MIPEP: variants seen among roughly 807,000 people sequenced by gnomAD.
The protein encoded by MIPEP is mitochondrial intermediate peptidase.
MIPEP carries 79 observed loss-of-function variants against 90.3 expected under a neutral mutation model. That is an observed-to-expected ratio of 0.87 (90% CI 0.73 to 1.05). The LOEUF (loss-of-function observed/expected upper bound fraction) is 1.05. Among genes scored for constraint, MIPEP ranks in the 50% least tolerant of loss-of-function variants. The pLI is 0.00. For missense variants in MIPEP, 940 were observed against 905.6 expected (o/e 1.04, Z -0.49); for synonymous variants, 334 against 315.8 (o/e 1.06, Z -0.61).
At chr13:23,743,480 T>C (rs1952352804) in intron 18 of MIPEP, among the ~76,000 whole-genome samples, 1 of 152,220 alleles carries the variant, frequency 6.6e-6, no homozygotes, top group Non-Finnish European at 1.5e-5. Flanking sequence ...GGCCAGGAAG[T>C]GAAATTCTTC....
intron 14 of MIPEP, among the ~76,000 whole-genome samples, chr13:23,824,379 G>C (rs1216281663): frequency 6.6e-6 from 1 of 152,192 alleles, no homozygotes; most frequent in Admixed American, 6.5e-5. Flanking sequence ...TAACAGGTAA[G>C]ACAATCTCTG....
intron 10 of MIPEP, among the ~76,000 whole-genome samples, chr13:23,854,796 G>A (rs1566018556): frequency 6.6e-6 from 1 of 152,010 alleles, no homozygotes; most frequent in Non-Finnish European, 1.5e-5. Flanking sequence ...GGAGGCTGAG[G>A]CAGGAGAATC....
intron 4 of MIPEP, 118 bp from the exon 5 acceptor site, chr13:23,875,027 AACACACACACAC>A (rs10595689): frequency 1.1e-4 from 45 of 402,000 alleles, no homozygotes; most frequent in Admixed American, 3.0e-4. Context: ...GTTTCTTCAA[AACACACACACAC>A]ACACACACAC....
intron 16 of MIPEP, among the ~76,000 whole-genome samples, chr13:23,802,482 C>T (rs1295631711): frequency 2.6e-5 from 4 of 151,946 alleles, no homozygotes; most frequent in African/African-American, 7.3e-5. Flanking sequence ...GTGAGAGAAT[C>T]GCTTGAACCC....
At chr13:23,816,526 GT>G (rs11301731) in intron 14 of MIPEP, among the ~76,000 whole-genome samples, 53,266 of 151,556 alleles carry the variant, frequency 0.35, 9,963 homozygotes, top group African/African-American at 0.48. Context: ...TTTGACTGTA[GT>G]TTTTTTTTGT....
chr13:23,801,361 A>G (rs1449958461), intron 16 of MIPEP, among the ~76,000 whole-genome samples: 1 of 152,166 alleles, frequency 6.6e-6, no homozygotes, highest in Non-Finnish European at 1.5e-5. Flanking sequence ...CACTCCCCAC[A>G]GTCAGTGTCC....
At chr13:23,835,081 C>T (rs186381689) in intron 14 of MIPEP, among the ~76,000 whole-genome samples, 49 of 143,578 alleles carry the variant, frequency 3.4e-4, no homozygotes, top group Admixed American at 2.9e-3. Context: ...AGTGCAGTGG[C>T]GCAATGTCGG....
At chr13:23,835,738 A>G (rs1439148283) in intron 14 of MIPEP, among the ~76,000 whole-genome samples, 3 of 152,248 alleles carry the variant, frequency 2.0e-5, no homozygotes, top group Non-Finnish European at 4.4e-5. Context: ...ATTAGAATGC[A>G]TCATTGAAAT....
chr13:23,882,093 G>A (rs540279981), intron 2 of MIPEP, among the ~76,000 whole-genome samples: 30 of 142,094 alleles, frequency 2.1e-4, no homozygotes, highest in Admixed American at 2.9e-4. Flanking sequence ...TTTTTGAGAC[G>A]GAGTCTTGCT....
chr13:23,759,492 C>T (rs1952517749), intron 17 of MIPEP, among the ~76,000 whole-genome samples: 1 of 151,264 alleles, frequency 6.6e-6, no homozygotes, highest in Non-Finnish European at 1.5e-5. Context: ...GGACGGGATC[C>T]CCCACACCCC....
intron 14 of MIPEP, among the ~76,000 whole-genome samples, chr13:23,821,812 G>C (rs1203126929): frequency 2.0e-5 from 3 of 152,106 alleles, no homozygotes; most frequent in Non-Finnish European, 2.9e-5. Context: ...ATACAAAGTA[G>C]CTATGTAAAT....
chr13:23,866,564 A>G (rs921708238), intron 7 of MIPEP, among the ~76,000 whole-genome samples: 1 of 152,106 alleles, frequency 6.6e-6, no homozygotes, highest in African/African-American at 2.4e-5. Context: ...TCTCCTGTAG[A>G]CAGACCTTCT....
At chr13:23,815,203 ATC>A (rs890032801) in intron 14 of MIPEP, among the ~76,000 whole-genome samples, 89 of 152,320 alleles carry the variant, frequency 5.8e-4, no homozygotes, top group African/African-American at 2.0e-3. Context: ...TGCAAATGTG[ATC>A]TGTTTCAGAT....
intron 16 of MIPEP, among the ~76,000 whole-genome samples, chr13:23,803,400 C>G (rs1392847797): frequency 6.6e-6 from 1 of 151,958 alleles, no homozygotes; most frequent in Non-Finnish European, 1.5e-5. Flanking sequence ...AAAACACTAT[C>G]AAAAAGAAAA....
At chr13:23,872,364 G>A (rs1189881893) in intron 5 of MIPEP, among the ~76,000 whole-genome samples, 1 of 152,196 alleles carries the variant, frequency 6.6e-6, no homozygotes, top group African/African-American at 2.4e-5. Flanking sequence ...AGGAGGCTGA[G>A]GCAGAAGAAT....
chr13:23,822,658 A>T (rs1446391401), intron 14 of MIPEP, among the ~76,000 whole-genome samples: 1 of 152,010 alleles, frequency 6.6e-6, no homozygotes, highest in Non-Finnish European at 1.5e-5. Flanking sequence ...GCAAGAGAGG[A>T]CTCCCAGTGC....
intron 16 of MIPEP, among the ~76,000 whole-genome samples, chr13:23,784,269 G>A (rs1482894491): frequency 4.6e-5 from 7 of 151,048 alleles, no homozygotes; most frequent in African/African-American, 1.5e-4. Context: ...AAAACAGCAT[G>A]GTACTGGTAC....
At chr13:23,860,615 C>T (rs1358047954) in intron 9 of MIPEP, among the ~76,000 whole-genome samples, 1 of 152,126 alleles carries the variant, frequency 6.6e-6, no homozygotes, top group Non-Finnish European at 1.5e-5. Flanking sequence ...TAATTTTAAA[C>T]AACAGAGTGA....
intron 15 of MIPEP, among the ~76,000 whole-genome samples, chr13:23,809,467 C>T (rs187375028): frequency 1.9e-3 from 295 of 152,094 alleles, no homozygotes; most frequent in African/African-American, 6.9e-3. Flanking sequence ...GCCTCAGCCT[C>T]CTGAGTAGCT....
Sources: gnomAD v4.1 joint callset for allele counts (sites outside exome capture counted in the v4.1 genomes callset) on GRCh38, gnomAD v4.1.1 for gene constraint, MANE v1.5 for transcripts, NCBI Gene and HGNC (gene_info 2026-07-23, HGNC 2026-07-21) for gene names.